The following NRG1 variants were observed in gnomAD, a reference collection of about 807,000 sequenced individuals.
NRG1 encodes the protein neuregulin 1, also known as pro-neuregulin-1, membrane-bound isoform.
NRG1 carries 18 observed loss-of-function variants against 63.8 expected under a neutral mutation model. The observed-to-expected ratio is 0.28, with a 90% CI of 0.19 to 0.42. The LOEUF (loss-of-function observed/expected upper bound fraction) is 0.42. NRG1 is among the 10% of genes least tolerant of loss of function. The probability of loss-of-function intolerance (pLI) is 1.00; values close to 1 mark genes in which losing one functional copy is unlikely to be tolerated. For synonymous variants in NRG1, 302 were observed against 301.3 expected (o/e 1.00, Z -0.02); for missense variants, 762 against 814.7 (o/e 0.94, Z 0.79).
chr8:32,087,616 G>GCA (rs1828444822), intron 1 of NRG1, among the ~76,000 whole-genome samples: 1 of 149,818 alleles, frequency 6.7e-6, no homozygotes, highest in South Asian at 2.1e-4. Flanking sequence ...GACTACAGGT[G>GCA]CGTGTGCCCA....
intron 5 of NRG1, among the ~76,000 whole-genome samples, chr8:32,639,772 A>G (rs1368454601): frequency 2.0e-5 from 3 of 152,228 alleles, no homozygotes; most frequent in African/African-American, 7.2e-5. Context: ...TTGGCTGACA[A>G]GCAACTGAAC....
intron 1 of NRG1, among the ~76,000 whole-genome samples, chr8:31,773,365 C>T (rs1818817907): frequency 6.6e-6 from 1 of 152,036 alleles, no homozygotes; most frequent in Admixed American, 6.6e-5. Context: ...TTTCAGTATT[C>T]CTCAAACTGG....
chr8:32,512,286 T>C (rs1829309839), intron 1 of NRG1, among the ~76,000 whole-genome samples: 1 of 152,242 alleles, frequency 6.6e-6, no homozygotes, highest in Non-Finnish European at 1.5e-5. Flanking sequence ...ATGCCTACTT[T>C]TCAAAAGGCT....
chr8:31,723,280 A>G (rs762319705), intron 1 of NRG1, among the ~76,000 whole-genome samples: 4 of 152,192 alleles, frequency 2.6e-5, no homozygotes, highest in Non-Finnish European at 4.4e-5. Context: ...AACCAGGGGT[A>G]GGTAAAGAGG....
At chr8:32,560,746 C>T (rs374813631) in intron 1 of NRG1, among the ~76,000 whole-genome samples, 1 of 152,150 alleles carries the variant, frequency 6.6e-6, no homozygotes, top group Non-Finnish European at 1.5e-5. Flanking sequence ...GAGGTTTGCT[C>T]AGTCCACAAT....
intron 1 of NRG1, among the ~76,000 whole-genome samples, chr8:32,193,489 C>T (rs1842688773): frequency 6.6e-6 from 1 of 151,974 alleles, no homozygotes; most frequent in African/African-American, 2.4e-5. Flanking sequence ...AGAAATAATC[C>T]CCAAGTCATT....
At chr8:31,981,865 A>T (rs1042521123) in intron 1 of NRG1, among the ~76,000 whole-genome samples, 1 of 152,048 alleles carries the variant, frequency 6.6e-6, no homozygotes, top group African/African-American at 2.4e-5. Flanking sequence ...GCCTAGACAA[A>T]GGGATATTAC....
intron 1 of NRG1, among the ~76,000 whole-genome samples, chr8:32,339,875 C>T (rs1803831478): frequency 6.6e-6 from 1 of 152,092 alleles, no homozygotes; most frequent in African/African-American, 2.4e-5. Flanking sequence ...ATAGGAAAGG[C>T]TTCTACTATT....
At chr8:31,755,325 A>G (rs556976400) in intron 1 of NRG1, among the ~76,000 whole-genome samples, 53 of 152,114 alleles carry the variant, frequency 3.5e-4, no homozygotes, top group Non-Finnish European at 6.3e-4. Flanking sequence ...TCACCCTCAC[A>G]TAGCCCTTTA....
chr8:31,759,368 G>C (rs948944939), intron 1 of NRG1, among the ~76,000 whole-genome samples: 4 of 151,538 alleles, frequency 2.6e-5, no homozygotes, highest in East Asian at 1.9e-4. Flanking sequence ...CAGACTTTTA[G>C]CTTATACATT....
At chr8:32,528,738 T>C (rs574170370) in intron 1 of NRG1, among the ~76,000 whole-genome samples, 2 of 152,262 alleles carry the variant, frequency 1.3e-5, no homozygotes, top group South Asian at 4.1e-4. Context: ...CAACATATGG[T>C]TCTTCTCATA....
At chr8:32,409,512 A>G (rs1248430215) in intron 1 of NRG1, among the ~76,000 whole-genome samples, 1 of 152,244 alleles carries the variant, frequency 6.6e-6, no homozygotes, top group African/African-American at 2.4e-5. Flanking sequence ...TACACATCCA[A>G]TGAAGGGCTG....
chr8:32,722,170 A>G (rs1820834348), intron 5 of NRG1: 1 of 759,320 alleles, frequency 1.3e-6, no homozygotes, highest in Non-Finnish European at 2.1e-6. Flanking sequence ...AGTAACTCGT[A>G]AAGAATTGTC....
chr8:31,920,900 A>G (rs201622574), intron 1 of NRG1, among the ~76,000 whole-genome samples: 20 of 98,022 alleles, frequency 2.0e-4, no homozygotes, highest in Admixed American at 1.4e-3. Context: ...AGATAGATAG[A>G]TAGATAGATA....
At chr8:31,906,229 G>A (rs146328088) in intron 1 of NRG1, among the ~76,000 whole-genome samples, 2 of 152,300 alleles carry the variant, frequency 1.3e-5, no homozygotes, top group African/African-American at 4.8e-5. Flanking sequence ...TTGTCAGGAA[G>A]CTTTAGCTCC....
intron 1 of NRG1, among the ~76,000 whole-genome samples, chr8:32,005,939 G>C (rs1211370197): frequency 1.3e-5 from 2 of 151,926 alleles, no homozygotes; most frequent in Admixed American, 1.3e-4. Context: ...CTTTGTTCTA[G>C]TTATTTTCCT....
chr8:32,060,651 C>T (rs1437390788), intron 1 of NRG1, among the ~76,000 whole-genome samples: 1 of 151,954 alleles, frequency 6.6e-6, no homozygotes, highest in African/African-American at 2.4e-5. Flanking sequence ...AGATATTTGG[C>T]TGCACAGGAG....
intron 1 of NRG1, among the ~76,000 whole-genome samples, chr8:31,768,928 G>A (rs1818341984): frequency 6.6e-6 from 1 of 152,166 alleles, no homozygotes; most frequent in Non-Finnish European, 1.5e-5. Context: ...CTTCAATAGT[G>A]CCAGGTTCAG....
chr8:32,422,338 A>G (rs1352793881), intron 1 of NRG1, among the ~76,000 whole-genome samples: 1 of 152,190 alleles, frequency 6.6e-6, no homozygotes, highest in Admixed American at 6.5e-5. Context: ...TACTCCTCAC[A>G]AAATAATATC....
Sources: allele counts gnomAD v4.1 joint callset (sites outside exome capture counted in the v4.1 genomes callset), GRCh38; gene constraint gnomAD v4.1.1; transcripts MANE v1.5; gene names NCBI Gene and HGNC (gene_info 2026-07-23, HGNC 2026-07-21).